The following FNBP4 variants were observed in gnomAD, a reference collection of about 807,000 sequenced individuals.
FNBP4 encodes formin binding protein 4.
In FNBP4, 34 loss-of-function variants were observed where a neutral mutation model predicts 119.3. The observed-to-expected ratio is 0.28, with a 90% CI of 0.22 to 0.38. The LOEUF is 0.38. FNBP4 is among the 10% of genes least tolerant of loss of function. FNBP4 has a pLI of 1.00. For missense variants in FNBP4, 1,112 were observed against 1,228.9 expected, an observed-to-expected ratio of 0.90 and a Z score of 1.42; for synonymous variants, 462 against 430.6, an observed-to-expected ratio of 1.07 and a Z score of -0.90.
At chr11:47,763,173 T>C (rs139435223) in intron 2 of FNBP4, among the ~76,000 whole-genome samples, 373 of 152,064 alleles carry the variant, frequency 2.5e-3, no homozygotes, top group Middle Eastern at 0.014. Flanking sequence ...AAGATGAAGA[T>C]GTGTTGCAGG....
intron 2 of FNBP4, among the ~76,000 whole-genome samples, chr11:47,760,495 A>C (rs532413915): frequency 2.9e-4 from 44 of 150,410 alleles, no homozygotes; most frequent in Non-Finnish European, 5.5e-4. Context: ...GCAGCAGCAC[A>C]ACCTTGGCTC....
intron 12 of FNBP4, chr11:47,725,672 A>G (rs1367156102): frequency 3.4e-6 from 2 of 594,402 alleles, no homozygotes; most frequent in East Asian, 2.9e-4. Context: ...AAAAGCCATC[A>G]TTGATTACTG....
At chr11:47,730,946 G>GT (rs886593963) in intron 12 of FNBP4, among the ~76,000 whole-genome samples, 2 of 152,110 alleles carry the variant, frequency 1.3e-5, no homozygotes, top group African/African-American at 4.8e-5. Context: ...CACGCTTTTT[G>GT]TAAGATTAGT....
chr11:47,747,941 C>T (rs1194983171), intron 6 of FNBP4, among the ~76,000 whole-genome samples: 1 of 144,146 alleles, frequency 6.9e-6, no homozygotes, highest in Non-Finnish European at 1.5e-5. Flanking sequence ...GTGTGAGAGA[C>T]TGTCTCAAAA....
chr11:47,746,682 T>C (rs1216876787), intron 6 of FNBP4, among the ~76,000 whole-genome samples: 2 of 151,862 alleles, frequency 1.3e-5, no homozygotes, highest in African/African-American at 4.8e-5. Context: ...GCCCAGCTAA[T>C]TTTTTGTATT....
chr11:47,738,745 A>G (rs1356521612), intron 8 of FNBP4, among the ~76,000 whole-genome samples: 1 of 150,618 alleles, frequency 6.6e-6, no homozygotes, highest in Non-Finnish European at 1.5e-5. Context: ...CAGTGGAGCT[A>G]TCTCGGCTCA....
chr11:47,745,949 G>A, intron 7 of FNBP4, 107 bp downstream of exon 7: 2 of 981,172 alleles, frequency 2.0e-6, no homozygotes, highest in East Asian at 2.5e-5. Context: ...CCTAGATGAT[G>A]GGATAAGAAA....
chr11:47,719,568 ATGTGTGTATGTGTGTG>A lies in FNBP4; in HGVS notation c.2963+345_2963+360del, dbSNP rs1413680914. On this transcript the variant is annotated intron_variant, in intron 16 of 16. Coordinates refer to ENST00000263773, the MANE Select transcript of FNBP4 (RefSeq NM_015308.5). ...TATTTGTAAAATAAGTTAATATGTT[ATGTGTGTATGTGTGTG>A]TGTGTGTGTGTGTGTGTGTGTGTGT... Among the ~76,000 whole-genome samples, 384 of 104,920 alleles carry A rather than the reference ATGTGTGTATGTGTGTG, an allele frequency of 3.7e-3. 2 individuals are homozygous for A. Among genetic ancestry groups the A allele is most frequent in the Middle Eastern group, 0.023 (5 of 220 alleles). The allele number at this position is 104,920 out of a possible 152,430, so 68.8% of individuals were successfully genotyped here.
chr11:47,724,455 G>A lies in FNBP4; in HGVS notation c.2319+13C>T, dbSNP rs200987451. 3.2e-4 allele frequency: 511 copies of A among 1,613,964 alleles called. No homozygotes were observed. Among genetic ancestry groups the A allele is most frequent in the Non-Finnish European group, 4.1e-4 (489 of 1,179,992 alleles). On this transcript the variant is annotated intron_variant, in intron 13 of 16. Coordinates refer to ENST00000263773, the MANE Select transcript of FNBP4 (RefSeq NM_015308.5). ...CCTCAAAATCACTCAGAATGCCAAA[G>A]GGAATTACTTACCTGGCTAGTTACA...
rs1318865828 is a variant in FNBP4, at chr11:47,767,319, G to C, written c.-31C>G. On this transcript the variant is annotated 5_prime_UTR_variant, in exon 1 of 17. Transcript: ENST00000263773. ...GCCCAAGCGCGAGCAGAGAGCGTCG[G>C]GCGGCCGAGAGGGGCGGGCACTGGA... is the stretch of plus-strand genomic sequence containing the variant. 2 of 1,453,298 alleles carry C rather than the reference G, an allele frequency of 1.4e-6. No individual in the cohort carries two copies. Among genetic ancestry groups the C allele is most frequent in the African/African-American group, 1.5e-5 (1 of 68,226 alleles). 90.0% of individuals were successfully genotyped at this position (1,453,298 alleles called of 1,614,324 possible). A position where few individuals can be genotyped will look rare whatever the true frequency, so the allele number is the denominator to read the frequency against.
chr11:47,751,940 C>T (rs1652303728), intron 4 of FNBP4, among the ~76,000 whole-genome samples: 2 of 152,016 alleles, frequency 1.3e-5, no homozygotes, highest in Admixed American at 1.3e-4. Context: ...ATGAGCAAAA[C>T]TCCACCTCTA....
In FNBP4 at chr11:47,749,546, ACT is replaced by A. The variant is rs1324443880; in HGVS notation, c.906+1368_906+1369del. Reference sequence around the variant, plus strand: ...CTTCCAGCCTGGGTAACCAAGCAAGACTCTGTCTCAAAAAGAAAAAAATTAAA... The same window carrying A: ...CTTCCAGCCTGGGTAACCAAGCAAGACTGTCTCAAAAAGAAAAAAATTAAA... On this transcript the variant is annotated intron_variant, in intron 6 of 16. Transcript: ENST00000263773. Among the ~76,000 whole-genome samples, 3 of 152,148 alleles carry A rather than the reference ACT, an allele frequency of 2.0e-5. No homozygotes were observed. In the East Asian group the frequency reaches 5.8e-4, roughly 29 times the overall value.
At chr11:47,741,149 G>A (rs1042930575) in intron 8 of FNBP4, among the ~76,000 whole-genome samples, 5 of 151,448 alleles carry the variant, frequency 3.3e-5, no homozygotes, top group Non-Finnish European at 7.4e-5. Flanking sequence ...GATTACAGGC[G>A]TGAGCCACCG....
Position 47,744,011 on chromosome 11 carries a change from T to C in FNBP4, c.1398A>G (p.Glu466=), listed in dbSNP as rs1485886655. 1.2e-6 allele frequency: 2 copies of C among 1,614,092 alleles called. No homozygotes were observed. Among genetic ancestry groups the C allele is most frequent in the East Asian group, 4.5e-5 (2 of 44,904 alleles). Residue 466 remains glutamate (E), a synonymous_variant, in exon 8 of 17, where the codon GAA becomes GAG. Transcript: ENST00000263773. The part of the protein sequence containing the change: ...WKMFVRATSP[E]STSRSSSKTG... ...TTTTACTAGAACTCCTACTGGTAGA[T>C]TCTGGACTGGTAGCTCGAACAAACA...
At chr11:47,722,246 C>T (rs1319609918) in intron 15 of FNBP4, among the ~76,000 whole-genome samples, 4 of 25,204 alleles carry the variant, frequency 1.6e-4, no homozygotes, top group East Asian at 2.3e-3. Context: ...TTTTTATCCC[C>T]GTTTTTCTTT....
chr11:47,737,314 T>C (rs2097575618), intron 8 of FNBP4, among the ~76,000 whole-genome samples: 1 of 152,240 alleles, frequency 6.6e-6, no homozygotes, highest in Non-Finnish European at 1.5e-5. Context: ...CTCCTTAACA[T>C]CTTTTCTAAT....
chr11:47,738,194 A>G (rs2097576809), intron 8 of FNBP4, among the ~76,000 whole-genome samples: 1 of 152,208 alleles, frequency 6.6e-6, no homozygotes, highest in South Asian at 2.1e-4. Flanking sequence ...CGGAGCACAC[A>G]ATATGAACTC....
chr11:47,723,949 C>A, intron 14 of FNBP4, 79 bp downstream of exon 14: 1 of 1,224,434 alleles, frequency 8.2e-7, no homozygotes, highest in Non-Finnish European at 1.1e-6. Flanking sequence ...TTTAACATTT[C>A]TTTAGTTTTT....
At chr11:47,718,904 T>TG (rs1477067585) in intron 16 of FNBP4, among the ~76,000 whole-genome samples, 2 of 132,722 alleles carry the variant, frequency 1.5e-5, no homozygotes, top group Non-Finnish European at 3.1e-5. Context: ...CCACCCAACA[T>TG]GTTTTTTTTT....
Sources: allele counts gnomAD v4.1 joint callset (sites outside exome capture counted in the v4.1 genomes callset), GRCh38; gene constraint gnomAD v4.1.1; transcripts MANE v1.5; gene names NCBI Gene and HGNC (gene_info 2026-07-23, HGNC 2026-07-21).